The following ABHD18 variants were observed in gnomAD, a reference collection of about 807,000 sequenced individuals.
ABHD18 encodes the protein abhydrolase domain containing 18, also known as cardiolipin-specific deacylase, mitochondrial.
Under a neutral mutation model 65.9 loss-of-function variants are expected in ABHD18, and 55 were observed. The observed-to-expected ratio is 0.84, with a 90% CI of 0.67 to 1.05. ABHD18 has a LOEUF of 1.05. Among genes scored for constraint, ABHD18 ranks in the 50% least tolerant of loss-of-function variants. The pLI is 0.00. For synonymous variants in ABHD18, 181 were observed against 180.2 expected (o/e 1.00, Z -0.04); for missense variants, 533 against 558.5 (o/e 0.95, Z 0.46).
At chr4:127,965,716 A>G in intron 1 of ABHD18, 110 bp downstream of exon 1, 1 of 168,672 alleles carries the variant, frequency 5.9e-6, no homozygotes, top group African/African-American at 2.4e-5. Flanking sequence ...GCTGGGCGGG[A>G]GACTCGCGGG....
chr4:128,013,061 T>TC lies in ABHD18; in HGVS notation c.470+1364dup, dbSNP rs1332946238. 5.2e-5 allele frequency among the ~76,000 whole-genome samples: 4 copies of TC among 77,350 alleles called. No homozygotes were observed. In the East Asian group the frequency reaches 1.4e-3, roughly 26 times the overall value. The allele number at this position is 77,350 out of a possible 152,430, so 50.7% of individuals were successfully genotyped here. A position where few individuals can be genotyped will look rare whatever the true frequency, so the allele number is the denominator to read the frequency against. On this transcript the variant is annotated intron_variant, in intron 7 of 12. Coordinates refer to ENST00000645843, the MANE Select transcript of ABHD18 (RefSeq NM_001358451.3). ...GCCTAGACGACAGAGCAAGACTCCA[T>TC]CCCAAAAAAAAAAAAAAAAAAAAAA...
At chr4:127,984,655 C>T (rs1749649780) in intron 3 of ABHD18, among the ~76,000 whole-genome samples, 1 of 152,036 alleles carries the variant, frequency 6.6e-6, no homozygotes, top group African/African-American at 2.4e-5. Context: ...GTTGGGAGTT[C>T]AGACCAGCCT....
chr4:128,018,386 T>C (rs974371370), intron 8 of ABHD18, among the ~76,000 whole-genome samples: 8 of 152,148 alleles, frequency 5.3e-5, no homozygotes, highest in African/African-American at 1.4e-4. Context: ...GCTGGGATTA[T>C]AGGTGTGGGC....
Position 128,002,346 on chromosome 4 carries a change from C to T in ABHD18, c.279-6574C>T, listed in dbSNP as rs184327619. On this transcript the variant is annotated intron_variant, in intron 4 of 12. Transcript: ENST00000645843. ...GGTTGGAGTGGAGTGTCCCTGCAATCTCAGCTGACTGCAACCTCTGCCTCC... is the reference window on the plus strand; with the variant it reads ...GGTTGGAGTGGAGTGTCCCTGCAATTTCAGCTGACTGCAACCTCTGCCTCC... Among the ~76,000 whole-genome samples the T allele has an allele frequency of 2.3e-3, 348 of 150,612 alleles. 6 individuals carry two copies. The highest frequency in any genetic ancestry group is 8.0e-4 in the Non-Finnish European group (54 of 67,760).
intron 8 of ABHD18, among the ~76,000 whole-genome samples, chr4:128,019,027 A>AG (rs1470617572): frequency 6.6e-6 from 1 of 152,000 alleles, no homozygotes; most frequent in East Asian, 1.9e-4. Flanking sequence ...AAAAAAAAAA[A>AG]AAAAAATTCA....
rs572226965 is a variant in ABHD18 at position 127,985,907 on chromosome 4, C to T, written c.177+1484C>T. On this transcript the variant is annotated intron_variant, in intron 3 of 12. Coordinates refer to ENST00000645843, the MANE Select transcript of ABHD18 (RefSeq NM_001358451.3). ...TTGTAGTTCCAGCTTTCCAGCTACT[C>T]GGGAGGCTGAGACAGGAGAATTGCT... Among the ~76,000 whole-genome samples the T allele has an allele frequency of 1.6e-3, 250 of 152,060 alleles. 5 individuals are homozygous for T. Among genetic ancestry groups the T allele is most frequent in the South Asian group, 5.4e-3 (26 of 4,812 alleles).
intron 7 of ABHD18, among the ~76,000 whole-genome samples, chr4:128,014,533 TATA>T (rs1178345632): frequency 2.6e-5 from 4 of 152,196 alleles, no homozygotes; most frequent in Non-Finnish European, 4.4e-5. Flanking sequence ...TTGTGAGAAT[TATA>T]ATGTTTATAA....
intron 1 of ABHD18, among the ~76,000 whole-genome samples, chr4:127,974,997 C>CA (rs34068699): frequency 0.71 from 62,990 of 88,546 alleles, 22,734 homozygotes; most frequent in South Asian, 0.89. Flanking sequence ...AACTGTGTCT[C>CA]AAAAAAAAAA....
chr4:128,029,162 G>A (rs1006015023), intron 11 of ABHD18, among the ~76,000 whole-genome samples: 9 of 151,568 alleles, frequency 5.9e-5, no homozygotes, highest in Admixed American at 4.6e-4. Context: ...GACCAGCCTG[G>A]GTAACATGGT....
chr4:127,990,653 T>C (rs1750757573), intron 4 of ABHD18, among the ~76,000 whole-genome samples: 1 of 152,108 alleles, frequency 6.6e-6, no homozygotes, highest in Non-Finnish European at 1.5e-5. Context: ...AGTGAAGAAA[T>C]TAAGAAACGT....
intron 4 of ABHD18, chr4:128,001,884 AC>A: frequency 9.0e-7 from 1 of 1,105,684 alleles, no homozygotes; most frequent in Non-Finnish European, 1.2e-6. Flanking sequence ...CACTCAGAAG[AC>A]CCTTTCAGTT....
At chr4:128,016,094 C>T (rs567280669) in intron 7 of ABHD18, among the ~76,000 whole-genome samples, 1 of 151,752 alleles carries the variant, frequency 6.6e-6, no homozygotes, top group South Asian at 2.1e-4. Flanking sequence ...GCTGAGATTA[C>T]AGGCGCGTGC....
rs1758968143 is a variant in ABHD18, at chr4:128,037,269, C to T, written c.*1456C>T. 2 of 152,172 alleles carry T rather than the reference C, an allele frequency of 1.3e-5. 1 individual carries two copies. The highest frequency in any genetic ancestry group is 4.8e-5 in the African/African-American group (2 of 41,416). The allele number at this position is 152,172 out of a possible 1,614,324, so 9.4% of individuals were successfully genotyped here. ...GGAGATCGCACCACTGCACTCCAGCCTAGGAGAAGGAGCAAGACTCTGTCT... is the reference window on the plus strand; with the variant it reads ...GGAGATCGCACCACTGCACTCCAGCTTAGGAGAAGGAGCAAGACTCTGTCT... On this transcript the variant is annotated 3_prime_UTR_variant, in exon 13 of 13. Coordinates refer to ENST00000645843, the MANE Select transcript of ABHD18 (RefSeq NM_001358451.3).
chr4:127,966,476 G>A (rs1422831833), intron 1 of ABHD18, among the ~76,000 whole-genome samples: 1 of 152,036 alleles, frequency 6.6e-6, no homozygotes, highest in Admixed American at 6.6e-5. Context: ...ACACAGTCAT[G>A]TATGGTATAT....
intron 4 of ABHD18, 99 bp from the exon 5 acceptor site, chr4:128,008,821 T>C: frequency 1.3e-6 from 1 of 777,156 alleles, no homozygotes; most frequent in Non-Finnish European, 2.0e-6. Flanking sequence ...TGATCTTTTC[T>C]GTCAGATAAT....
In ABHD18 at chr4:128,009,108, A is replaced by C; in HGVS notation, c.359A>C (p.His120Pro). The C allele has an allele frequency of 1.3e-6, 2 of 1,576,108 alleles. No homozygotes were observed. Among genetic ancestry groups the C allele is most frequent in the Non-Finnish European group, 1.7e-6 (2 of 1,169,080 alleles). The change falls in exon 6 of 13, where the codon CAT becomes CCT. Residue 120 changes from histidine (H) to proline (P), a missense_variant and splice_region_variant. Around this residue, in one of 3 missense-constraint regions of ABHD18, gnomAD observed 309 missense variants for 313.5 expected, o/e 0.99. Transcript: ENST00000645843. Reference sequence around the variant, plus strand: ...GTATGTGTTCTTTTCTTTCCTTAGCATTACTGGAGGCGACGAACACTAATG... The same window carrying C: ...GTATGTGTTCTTTTCTTTCCTTAGCCTTACTGGAGGCGACGAACACTAATG... Reference protein sequence around the residue: ...CIHLAGTGDHHYWRRRTLMAR... With the variant: ...CIHLAGTGDHPYWRRRTLMAR...
rs927044163 is a variant in ABHD18 at position 127,977,188 on chromosome 4, A to C, written c.-17-5751A>C. 4.6e-5 allele frequency among the ~76,000 whole-genome samples: 7 copies of C among 152,082 alleles called. No homozygotes were observed. In the East Asian group the frequency reaches 1.4e-3, roughly 30 times the overall value. ...AATCAGAAATCTGTTTAAAAAAAAA[A>C]CAAGCTGGGCGTGGTGGCTCACGCC... On this transcript the variant is annotated intron_variant, in intron 1 of 12. Coordinates refer to ENST00000645843, the MANE Select transcript of ABHD18 (RefSeq NM_001358451.3).
intron 1 of ABHD18, among the ~76,000 whole-genome samples, chr4:127,972,855 T>C (rs1444088477): frequency 6.6e-6 from 1 of 152,202 alleles, no homozygotes; most frequent in Non-Finnish European, 1.5e-5. Flanking sequence ...TTAGTTTGCC[T>C]TTTACCATTT....
intron 10 of ABHD18, among the ~76,000 whole-genome samples, chr4:128,025,990 T>A (rs540514009): frequency 3.9e-5 from 6 of 151,960 alleles, no homozygotes; most frequent in Non-Finnish European, 1.5e-5. Flanking sequence ...CCGTCTCTAT[T>A]AAGAATATAA....
Sources: allele counts gnomAD v4.1 joint callset (sites outside exome capture counted in the v4.1 genomes callset), GRCh38; gene constraint gnomAD v4.1.1; regional missense constraint gnomAD v4.1.1; transcripts MANE v1.5; gene names NCBI Gene and HGNC (gene_info 2026-07-23, HGNC 2026-07-21).